SLC9A9: variants seen among roughly 807,000 people sequenced by gnomAD.
SLC9A9 encodes solute carrier family 9 member A9.
A neutral mutation model predicts 77.8 loss-of-function variants in SLC9A9; 62 were observed. That is an observed-to-expected ratio of 0.80 (90% CI 0.65 to 0.98). The LOEUF (loss-of-function observed/expected upper bound fraction) is 0.98. SLC9A9 is among the 50% of genes least tolerant of loss of function. The pLI, the probability that SLC9A9 is intolerant of heterozygous loss-of-function variation, is 0.00. For synonymous variants in SLC9A9, 320 were observed against 283.5 expected (o/e 1.13, Z -1.29); for missense variants, 775 against 774.9 (o/e 1.00, Z 0.00).
intron 12 of SLC9A9, among the ~76,000 whole-genome samples, chr3:143,414,921 G>A (rs1422052249): frequency 6.6e-6 from 1 of 152,192 alleles, no homozygotes; most frequent in Admixed American, 6.5e-5. Flanking sequence ...TGAATGCAAA[G>A]GAAGAGTTCT....
chr3:143,295,830 C>G (rs1003566708), intron 14 of SLC9A9, among the ~76,000 whole-genome samples: 2 of 151,992 alleles, frequency 1.3e-5, no homozygotes, highest in African/African-American at 4.8e-5. Flanking sequence ...TCATAATACA[C>G]AGTGGAACAA....
chr3:143,745,842 G>T (rs1935186737), intron 4 of SLC9A9, among the ~76,000 whole-genome samples: 2 of 152,190 alleles, frequency 1.3e-5, no homozygotes, highest in East Asian at 1.9e-4. Flanking sequence ...ATTGATCATT[G>T]CTGTGAATAA....
At chr3:143,655,462 C>G (rs1408363046) in intron 5 of SLC9A9, 1 of 984,464 alleles carries the variant, frequency 1.0e-6, no homozygotes, top group Non-Finnish European at 1.2e-6. Context: ...TTGATTTTAT[C>G]AGACAATTTG....
At chr3:143,792,153 T>C (rs1215098111) in intron 4 of SLC9A9, among the ~76,000 whole-genome samples, 1 of 152,208 alleles carries the variant, frequency 6.6e-6, no homozygotes, top group Admixed American at 6.5e-5. Context: ...GGATAATCCA[T>C]GCAAAGTGCT....
At chr3:143,479,408 T>C (rs1327324980) in intron 11 of SLC9A9, among the ~76,000 whole-genome samples, 1 of 150,196 alleles carries the variant, frequency 6.7e-6, no homozygotes, top group East Asian at 2.0e-4. Flanking sequence ...CCACCTCCCC[T>C]GCCTAATTAA....
intron 9 of SLC9A9, among the ~76,000 whole-genome samples, chr3:143,538,547 G>A (rs1226239490): frequency 1.3e-5 from 2 of 152,070 alleles, no homozygotes; most frequent in Non-Finnish European, 2.9e-5. Flanking sequence ...GGAAGACCTC[G>A]GCACTAGTCA....
chr3:143,558,412 C>G (rs544234160), intron 8 of SLC9A9, among the ~76,000 whole-genome samples: 1 of 152,250 alleles, frequency 6.6e-6, no homozygotes, highest in East Asian at 1.9e-4. Flanking sequence ...CCTGGAAAAG[C>G]AACAGACACC....
chr3:143,300,755 A>G (rs1198997028), intron 14 of SLC9A9, among the ~76,000 whole-genome samples: 1 of 152,192 alleles, frequency 6.6e-6, no homozygotes, highest in Non-Finnish European at 1.5e-5. Flanking sequence ...AGGTTTTTTA[A>G]AAGTTTCTCA....
intron 1 of SLC9A9, among the ~76,000 whole-genome samples, chr3:143,840,918 A>C (rs571894796): frequency 2.0e-5 from 3 of 152,224 alleles, no homozygotes; most frequent in Non-Finnish European, 4.4e-5. Context: ...CCTATTTAGC[A>C]TGGTTGTTGT....
intron 4 of SLC9A9, among the ~76,000 whole-genome samples, chr3:143,749,044 A>T (rs1935272422): frequency 1.3e-5 from 2 of 151,964 alleles, no homozygotes; most frequent in Admixed American, 6.6e-5. Context: ...TTTTTTTTCT[A>T]GACCTTAATT....
At chr3:143,305,971 GA>G (rs2030762718) in intron 14 of SLC9A9, among the ~76,000 whole-genome samples, 1 of 151,964 alleles carries the variant, frequency 6.6e-6, no homozygotes, top group Non-Finnish European at 1.5e-5. Context: ...TTCCTTGCGG[GA>G]TATTCTAATT....
chr3:143,320,918 C>T (rs1238347437), intron 14 of SLC9A9, among the ~76,000 whole-genome samples: 2 of 152,104 alleles, frequency 1.3e-5, no homozygotes, highest in African/African-American at 4.8e-5. Flanking sequence ...TACATAGAGA[C>T]ACAGACACAT....
chr3:143,644,255 ATAAAT>A (rs2038667713), intron 6 of SLC9A9, among the ~76,000 whole-genome samples: 1 of 152,210 alleles, frequency 6.6e-6, no homozygotes, highest in African/African-American at 2.4e-5. Context: ...TTATATACCA[ATAAAT>A]TAAAGTACAT....
intron 6 of SLC9A9, among the ~76,000 whole-genome samples, chr3:143,617,369 T>G (rs762466795): frequency 1.4e-4 from 21 of 152,282 alleles, no homozygotes; most frequent in Middle Eastern, 6.8e-3. Context: ...CTATGGCCCA[T>G]AAAGCCTAAA....
At chr3:143,387,927 A>G (rs2033465426) in intron 12 of SLC9A9, among the ~76,000 whole-genome samples, 2 of 152,158 alleles carry the variant, frequency 1.3e-5, no homozygotes, top group African/African-American at 4.8e-5. Context: ...CTGAAATACT[A>G]CTAGGGCTTA....
intron 1 of SLC9A9, among the ~76,000 whole-genome samples, chr3:143,839,687 T>C (rs112331433): frequency 0.01 from 1,570 of 152,288 alleles, 30 homozygotes; most frequent in African/African-American, 0.036. Flanking sequence ...GTATAATAGA[T>C]AACTTTTCTT....
At chr3:143,332,011 C>G (rs2031786736) in intron 14 of SLC9A9, among the ~76,000 whole-genome samples, 1 of 151,972 alleles carries the variant, frequency 6.6e-6, no homozygotes, top group Non-Finnish European at 1.5e-5. Flanking sequence ...ACAGCATGAG[C>G]AAAGTCATGG....
At chr3:143,466,782 T>A (rs1003749389) in intron 12 of SLC9A9, among the ~76,000 whole-genome samples, 1 of 152,158 alleles carries the variant, frequency 6.6e-6, no homozygotes, top group African/African-American at 2.4e-5. Context: ...AATGGAAGAA[T>A]TGATAGATGA....
At chr3:143,332,022 A>T (rs570681470) in intron 14 of SLC9A9, among the ~76,000 whole-genome samples, 1 of 152,314 alleles carries the variant, frequency 6.6e-6, no homozygotes, top group Non-Finnish European at 1.5e-5. Flanking sequence ...AAAGTCATGG[A>T]GTTAAGGTTT....
Sources: gnomAD v4.1 joint callset for allele counts (sites outside exome capture counted in the v4.1 genomes callset) on GRCh38, gnomAD v4.1.1 for gene constraint, MANE v1.5 for transcripts, NCBI Gene and HGNC (gene_info 2026-07-23, HGNC 2026-07-21) for gene names.